Variants in NDST3 observed in about 807,000 individuals in gnomAD.
The protein encoded by NDST3 is bifunctional heparan sulfate N-deacetylase/N-sulfotransferase 3.
In NDST3, 58 loss-of-function variants were observed where a neutral mutation model predicts 96.1. The ratio of observed to expected loss-of-function variants is 0.60; its 90% CI spans 0.49 to 0.75. The LOEUF (loss-of-function observed/expected upper bound fraction) is 0.75, where lower values mean the gene tolerates loss of function less well. NDST3 is among the 30% of genes least tolerant of loss of function. The pLI is 0.00. For synonymous variants in NDST3, 333 were observed against 359.7 expected (o/e 0.93, Z 0.84); for missense variants, 788 against 1,034.2 (o/e 0.76, Z 3.27).
intron 4 of NDST3, among the ~76,000 whole-genome samples, chr4:118,133,733 A>T (rs1190378221): frequency 3.3e-5 from 5 of 152,184 alleles, no homozygotes; most frequent in African/African-American, 1.2e-4. Flanking sequence ...TTTCCCTGAT[A>T]GTTACCATAT....
intron 6 of NDST3, among the ~76,000 whole-genome samples, chr4:118,160,981 T>A (rs1560687963): frequency 6.6e-6 from 1 of 152,162 alleles, no homozygotes; most frequent in Non-Finnish European, 1.5e-5. Context: ...CTGCTCTGTT[T>A]TTCCCCCATC....
Position 118,177,131 on chromosome 4 carries a change from TA to T in NDST3, c.1539+33454del, listed in dbSNP as rs545504980. The stretch of plus-strand genomic sequence containing the variant: ...TCCAAATATCAAATTTCTTAACTAT[TA>T]AAAAAATAGGGAAAATGTCAGTCTC... On this transcript the variant is annotated intron_variant, in intron 6 of 13. Transcript: ENST00000296499. Among the ~76,000 whole-genome samples the T allele has an allele frequency of 2.2e-4, 33 of 151,830 alleles. No homozygotes were observed. The South Asian group carries it at 6.0e-3, about 28-fold the overall frequency.
chr4:118,058,130 G>C (rs1354310544), intron 2 of NDST3, among the ~76,000 whole-genome samples: 4 of 151,632 alleles, frequency 2.6e-5, no homozygotes, highest in Admixed American at 2.6e-4. Flanking sequence ...GAAGTATTGG[G>C]AAAATTTAAA....
At chr4:118,112,661 G>A (rs150079138) in intron 3 of NDST3, among the ~76,000 whole-genome samples, 1 of 152,268 alleles carries the variant, frequency 6.6e-6, no homozygotes, top group African/African-American at 2.4e-5. Context: ...CAAAACATGT[G>A]TTTAAGATCA....
chr4:118,201,973 G>T (rs765921478), intron 6 of NDST3, among the ~76,000 whole-genome samples: 1 of 152,226 alleles, frequency 6.6e-6, no homozygotes, highest in African/African-American at 2.4e-5. Context: ...TATGGTGAAA[G>T]GTAGGGGTCT....
At chr4:118,188,892 T>C (rs1737132479) in intron 6 of NDST3, among the ~76,000 whole-genome samples, 1 of 152,168 alleles carries the variant, frequency 6.6e-6, no homozygotes, top group East Asian at 1.9e-4. Context: ...TGACTTTAAA[T>C]GGTCATAGTT....
chr4:118,258,572 G>A lies in NDST3; in HGVS notation c.*2860G>A, dbSNP rs1275231441. ...TGAGTTTTTTAAAATAAAAAACCTA[G>A]ATATAATTCTGATAGTAGCATGGTA... On this transcript the variant is annotated 3_prime_UTR_variant, in exon 14 of 14. Coordinates refer to ENST00000296499, the MANE Select transcript of NDST3 (RefSeq NM_004784.3). 1 of 152,044 alleles carries A rather than the reference G, an allele frequency of 6.6e-6. No homozygotes were observed. The highest frequency in any genetic ancestry group is 1.5e-5 in the Non-Finnish European group (1 of 67,992). The allele number at this position is 152,044 out of a possible 1,614,324, so 9.4% of individuals were successfully genotyped here.
At chr4:118,095,660 C>T (rs906672938) in intron 2 of NDST3, among the ~76,000 whole-genome samples, 6 of 151,710 alleles carry the variant, frequency 4.0e-5, no homozygotes, top group Admixed American at 4.0e-4. Flanking sequence ...TATTGTGCCA[C>T]TACAACCTCT....
intron 2 of NDST3, among the ~76,000 whole-genome samples, chr4:118,089,235 C>G (rs888828303): frequency 6.6e-6 from 1 of 151,874 alleles, no homozygotes; most frequent in Non-Finnish European, 1.5e-5. Context: ...AGTAATAGAA[C>G]ATCTATTATG....
chr4:118,073,704 A>G (rs939522737), intron 2 of NDST3, among the ~76,000 whole-genome samples: 3 of 151,616 alleles, frequency 2.0e-5, no homozygotes, highest in Non-Finnish European at 4.4e-5. Flanking sequence ...ATGCTTTTTT[A>G]TGTCTCAATT....
intron 2 of NDST3, among the ~76,000 whole-genome samples, chr4:118,097,832 C>A (rs930551523): frequency 3.7e-4 from 56 of 151,652 alleles, no homozygotes; most frequent in Admixed American, 5.9e-4. Context: ...TATTGCCTTA[C>A]TAGATCAATC....
At chr4:118,134,872 C>A (rs1248499256) in intron 4 of NDST3, among the ~76,000 whole-genome samples, 1 of 152,162 alleles carries the variant, frequency 6.6e-6, no homozygotes, top group Non-Finnish European at 1.5e-5. Flanking sequence ...TAAGATGCTA[C>A]TTTCAATCAA....
intron 6 of NDST3, among the ~76,000 whole-genome samples, chr4:118,166,300 C>G (rs1735547273): frequency 6.6e-6 from 1 of 151,678 alleles, no homozygotes; most frequent in Non-Finnish European, 1.5e-5. Context: ...TTGGAATAAC[C>G]TAGAAAAAAT....
chr4:118,191,190 C>A (rs186263694), intron 6 of NDST3, among the ~76,000 whole-genome samples: 3 of 152,232 alleles, frequency 2.0e-5, no homozygotes, highest in Admixed American at 2.0e-4. Flanking sequence ...AAATACAGTA[C>A]CATTTGCTCA....
At chr4:118,074,808 A>G (rs1727375809) in intron 2 of NDST3, among the ~76,000 whole-genome samples, 1 of 152,118 alleles carries the variant, frequency 6.6e-6, no homozygotes, top group Non-Finnish European at 1.5e-5. Context: ...TTATGCATAC[A>G]TGATTGTGTA....
chr4:118,222,162 G>C (rs183580079), intron 6 of NDST3, among the ~76,000 whole-genome samples: 73 of 152,000 alleles, frequency 4.8e-4, no homozygotes, highest in Non-Finnish European at 1.6e-4. Context: ...GTGAGGAATT[G>C]CCAAGAAGTG....
intron 2 of NDST3, among the ~76,000 whole-genome samples, chr4:118,093,541 C>T (rs1560637373): frequency 2.0e-5 from 3 of 151,826 alleles, no homozygotes; most frequent in African/African-American, 7.2e-5. Flanking sequence ...TGCCTGTACC[C>T]TAACTTATAT....
intron 6 of NDST3, among the ~76,000 whole-genome samples, chr4:118,162,713 C>G (rs1735254901): frequency 1.4e-5 from 2 of 147,332 alleles, no homozygotes; most frequent in Non-Finnish European, 3.0e-5. Flanking sequence ...GTCTAAAACA[C>G]CAAAAGCAAT....
chr4:118,115,076 A>G (rs2125865454), intron 4 of NDST3, 116 bp downstream of exon 4: 2 of 1,088,788 alleles, frequency 1.8e-6, no homozygotes, highest in East Asian at 2.5e-5. Context: ...ATCATTTGGA[A>G]TATTTTGGTA....
Sources: gnomAD v4.1 joint callset for allele counts (sites outside exome capture counted in the v4.1 genomes callset) on GRCh38, gnomAD v4.1.1 for gene constraint, MANE v1.5 for transcripts, NCBI Gene and HGNC (gene_info 2026-07-23, HGNC 2026-07-21) for gene names.